PRCC: variants seen among roughly 807,000 people sequenced by gnomAD.
PRCC encodes the protein proline rich mitotic checkpoint control factor.
Under a neutral mutation model 44.0 loss-of-function variants are expected in PRCC, and 10 were observed. The observed-to-expected ratio is 0.23, with a 90% CI of 0.14 to 0.39. The LOEUF (loss-of-function observed/expected upper bound fraction) is 0.39. PRCC is among the 10% of genes least tolerant of loss of function. The probability of loss-of-function intolerance (pLI) is 1.00; values close to 1 mark genes in which losing one functional copy is unlikely to be tolerated. For synonymous variants in PRCC, 278 were observed against 259.5 expected, an observed-to-expected ratio of 1.07 and a Z score of -0.69; for missense variants, 573 against 624.7, an observed-to-expected ratio of 0.92 and a Z score of 0.88.
At chr1:156,797,951 T>G (rs181196324) in intron 6 of PRCC, among the ~76,000 whole-genome samples, 7 of 152,226 alleles carry the variant, frequency 4.6e-5, no homozygotes, top group Admixed American at 2.0e-4. Context: ...ATTTTTTTTT[T>G]CCCTTTTTGG....
chr1:156,784,157 C>G (rs1652150878), intron 2 of PRCC, among the ~76,000 whole-genome samples: 1 of 152,110 alleles, frequency 6.6e-6, no homozygotes, highest in South Asian at 2.1e-4. Flanking sequence ...CCGTGTTAGC[C>G]AGGATGGTCT....
chr1:156,787,941 C>G (rs908753584), intron 3 of PRCC, among the ~76,000 whole-genome samples: 1 of 152,260 alleles, frequency 6.6e-6, no homozygotes, highest in South Asian at 2.1e-4. Context: ...AAGCAACTCT[C>G]CCACCTCAGC....
At chr1:156,779,931 C>T (rs1651993146) in intron 1 of PRCC, among the ~76,000 whole-genome samples, 1 of 151,254 alleles carries the variant, frequency 6.6e-6, no homozygotes, top group African/African-American at 2.4e-5. Context: ...TGCTCTGTTA[C>T]CCAGGCTGGA....
chr1:156,783,283 G>A (rs1352859125), intron 2 of PRCC, among the ~76,000 whole-genome samples: 1 of 152,192 alleles, frequency 6.6e-6, no homozygotes, highest in Non-Finnish European at 1.5e-5. Flanking sequence ...CAACAAGACA[G>A]TGCTAGTAGA....
intron 3 of PRCC, among the ~76,000 whole-genome samples, chr1:156,787,424 C>T (rs1443771943): frequency 7.6e-6 from 1 of 132,272 alleles, no homozygotes; most frequent in African/African-American, 2.9e-5. Context: ...TTTATTGATC[C>T]ATAATATTTG....
intron 4 of PRCC, among the ~76,000 whole-genome samples, chr1:156,793,163 C>A (rs1445228069): frequency 6.6e-6 from 1 of 152,202 alleles, no homozygotes; most frequent in East Asian, 1.9e-4. Context: ...ATACTTCTGC[C>A]TGTGCTTGAT....
chr1:156,776,219 A>C (rs939531666), intron 1 of PRCC, among the ~76,000 whole-genome samples: 2 of 152,196 alleles, frequency 1.3e-5, no homozygotes, highest in Non-Finnish European at 2.9e-5. Flanking sequence ...TTAAAAATAA[A>C]ATAACTGAGC....
chr1:156,780,722 G>A (rs1034559770), intron 1 of PRCC, among the ~76,000 whole-genome samples: 5 of 151,960 alleles, frequency 3.3e-5, no homozygotes. Flanking sequence ...ATCTTATACT[G>A]CCTTTTATTT....
intron 4 of PRCC, among the ~76,000 whole-genome samples, chr1:156,793,916 C>T (rs1490301427): frequency 2.0e-5 from 3 of 151,204 alleles, no homozygotes; most frequent in Non-Finnish European, 2.9e-5. Context: ...TGTGAGTCAC[C>T]CTGCTTGGCC....
intron 1 of PRCC, 100 bp from the exon 2 acceptor site, chr1:156,782,182 G>C: frequency 1.8e-6 from 2 of 1,088,188 alleles, no homozygotes; most frequent in Non-Finnish European, 2.7e-6. Context: ...GCACAGACAA[G>C]ATGGCCACTG....
At position 156,782,342 on chromosome 1, in the gene PRCC, A is replaced by G. The variant is rs1652078249; in HGVS notation, c.516+13A>G. 3 of 1,592,028 alleles carry G rather than the reference A, an allele frequency of 1.9e-6. No individual in the cohort carries two copies. The highest frequency in any genetic ancestry group is 2.6e-6 in the Non-Finnish European group (3 of 1,161,900). On this transcript the variant is annotated intron_variant, in intron 2 of 6. Transcript: ENST00000271526. ...AACTATCCTTCAGGTAAGCATTGTG[A>G]TATAAACCATTTTTTTTCTCTTCCT...
In PRCC at chr1:156,781,120, A is replaced by G. The variant is rs191015874; in HGVS notation, c.469-1162A>G. ...GCAGGTACTTTTTTCATATCATGGC[A>G]CACACACGGAATCTTTGAAGCACAC... On this transcript the variant is annotated intron_variant, in intron 1 of 6. Transcript: ENST00000271526. 2.4e-3 allele frequency among the ~76,000 whole-genome samples: 367 copies of G among 152,242 alleles called. 4 individuals are homozygous for G. The highest frequency in any genetic ancestry group is 3.8e-4 in the Non-Finnish European group (26 of 68,022).
At chr1:156,797,452 T>C in intron 6 of PRCC, 111 bp downstream of exon 6, 1 of 1,271,896 alleles carries the variant, frequency 7.9e-7, no homozygotes, top group East Asian at 2.4e-5. Context: ...CAGCCCATCT[T>C]TTAGCAGGCA....
chr1:156,775,116 C>T (rs1420193062), intron 1 of PRCC, among the ~76,000 whole-genome samples: 1 of 151,774 alleles, frequency 6.6e-6, no homozygotes, highest in South Asian at 2.1e-4. Context: ...AGCGTGGTGG[C>T]GGGTGCCTGT....
At chr1:156,769,952 TAA>T (rs1356048116) in intron 1 of PRCC, among the ~76,000 whole-genome samples, 1 of 151,770 alleles carries the variant, frequency 6.6e-6, no homozygotes, top group African/African-American at 2.4e-5. Flanking sequence ...TCTCTCATCC[TAA>T]GTCTAGGATC....
In PRCC at chr1:156,772,465, C is replaced by T. The variant is rs1651668676; in HGVS notation, c.468+4226C>T. The stretch of plus-strand genomic sequence containing the variant: ...TCCATAGAATGGATAATCGTCCTTT[C>T]TTTTTCCCTTCTTGCTGTGACCCAA... On this transcript the variant is annotated intron_variant, in intron 1 of 6. Coordinates refer to ENST00000271526, the MANE Select transcript of PRCC (RefSeq NM_005973.5). Among the ~76,000 whole-genome samples the T allele has an allele frequency of 3.3e-5, 5 of 152,180 alleles. No homozygotes were observed. The South Asian group carries it at 1.0e-3, about 32-fold the overall frequency.
intron 3 of PRCC, among the ~76,000 whole-genome samples, chr1:156,787,993 G>A (rs920160118): frequency 1.4e-4 from 21 of 152,066 alleles, no homozygotes; most frequent in East Asian, 5.8e-4. Flanking sequence ...CACCATGCCC[G>A]CTAATTTAAT....
At chr1:156,794,911 C>A in intron 5 of PRCC, 103 bp downstream of exon 5, 24 of 1,437,174 alleles carry the variant, frequency 1.7e-5, no homozygotes, top group Non-Finnish European at 2.1e-5. Context: ...ATTGTCACAG[C>A]ACCTTTAGCA....
At position 156,797,336 on chromosome 1, in the gene PRCC, C is replaced by T. The variant is rs770289810; in HGVS notation, c.1384C>T (p.His462Tyr). ...RRKHQITYLI[H>Y]QAKERELELK... ...GAAACACCAGATCACATATCTTATT[C>T]ATCAGGTGAGAGACAGCTGAGGGCT... Residue 462 changes from histidine to tyrosine, a missense_variant, in exon 6 of 7, where the codon CAT (histidine) becomes TAT (tyrosine). This residue lies in a region of PRCC where 69 missense variants were observed against 139.3 expected (regional missense o/e 0.50). Coordinates refer to ENST00000271526, the MANE Select transcript of PRCC (RefSeq NM_005973.5). 6.2e-7 allele frequency: 1 copy of T among 1,614,044 alleles called. No homozygotes were observed. Among genetic ancestry groups the T allele is most frequent in the African/African-American group, 1.3e-5 (1 of 74,928 alleles).
Sources: gnomAD v4.1 joint callset for allele counts (sites outside exome capture counted in the v4.1 genomes callset) on GRCh38, gnomAD v4.1.1 for gene constraint, gnomAD v4.1.1 regional missense constraint, MANE v1.5 for transcripts, NCBI Gene and HGNC (gene_info 2026-07-23, HGNC 2026-07-21) for gene names.